Variants in CLDN10 observed in about 807,000 individuals in gnomAD.
The protein encoded by CLDN10 is claudin 10, also known as claudin-10.
Under a neutral mutation model 22.9 loss-of-function variants are expected in CLDN10, and 15 were observed. That is an observed-to-expected ratio of 0.65 (90% CI 0.44 to 1.01). The LOEUF (loss-of-function observed/expected upper bound fraction) is 1.01. Ranked by LOEUF, CLDN10 falls within the 50% of genes least tolerant of loss-of-function variation. CLDN10 has a pLI of 0.00. For synonymous variants in CLDN10, 114 were observed against 111.4 expected (o/e 1.02, Z -0.15); for missense variants, 247 against 287.8 (o/e 0.86, Z 1.03).
chr13:95,563,317 T>G (rs1039550553), intron 3 of CLDN10, among the ~76,000 whole-genome samples: 1 of 152,132 alleles, frequency 6.6e-6, no homozygotes, highest in Non-Finnish European at 1.5e-5. Context: ...GCTTTTTAAT[T>G]CTGTATAGTA....
At chr13:95,441,225 C>T (rs1212396936) in intron 1 of CLDN10, among the ~76,000 whole-genome samples, 2 of 152,188 alleles carry the variant, frequency 1.3e-5, no homozygotes, top group East Asian at 3.8e-4. Context: ...GTGTTTAGAA[C>T]AAGTAAAAGA....
At chr13:95,455,401 G>GT (rs903344371) in intron 1 of CLDN10, among the ~76,000 whole-genome samples, 42 of 152,238 alleles carry the variant, frequency 2.8e-4, no homozygotes, top group African/African-American at 1.0e-3. Context: ...TCTTTGTGAA[G>GT]TTTTTGATTG....
In CLDN10 at chr13:95,512,121, C is replaced by T. The variant is rs1367065695; in HGVS notation, c.215-48011C>T. ...TCATCTCAGACAAAGATCGTCTCTC[C>T]TTTTTTTTTGGTTTTTGTTTGTTTG... On this transcript the variant is annotated intron_variant, in intron 1 of 4. Coordinates refer to the CLDN10 transcript ENST00000376873. Among the ~76,000 whole-genome samples, 5 of 10,492 alleles carry T rather than the reference C, an allele frequency of 4.8e-4. 1 individual carries two copies. The highest frequency in any genetic ancestry group is 8.0e-4 in the African/African-American group (4 of 4,994). 6.9% of individuals were successfully genotyped at this position (10,492 alleles called of 152,430 possible).
intron 1 of CLDN10, among the ~76,000 whole-genome samples, chr13:95,473,850 G>A (rs959013312): frequency 2.6e-5 from 4 of 152,288 alleles, no homozygotes; most frequent in East Asian, 1.9e-4. Flanking sequence ...GTTAAGCTTC[G>A]GAGGGAACAA....
intron 1 of CLDN10, among the ~76,000 whole-genome samples, chr13:95,505,112 T>G (rs1470063612): frequency 1.3e-5 from 2 of 152,338 alleles, no homozygotes; most frequent in African/African-American, 4.8e-5. Flanking sequence ...CAAAGGCAAA[T>G]ACATCTTTCT....
intron 1 of CLDN10, among the ~76,000 whole-genome samples, chr13:95,448,995 TC>T (rs1193128715): frequency 6.6e-6 from 1 of 151,962 alleles, no homozygotes; most frequent in Non-Finnish European, 1.5e-5. Flanking sequence ...TCCCTCGGCT[TC>T]CCAAAGTGCT....
intron 1 of CLDN10, among the ~76,000 whole-genome samples, chr13:95,527,234 T>C (rs1404638817): frequency 6.6e-6 from 1 of 152,218 alleles, no homozygotes; most frequent in Non-Finnish European, 1.5e-5. Flanking sequence ...TGTTCATGAA[T>C]GCTATTTTCA....
chr13:95,558,457 A>G (rs138433085), intron 1 of CLDN10, among the ~76,000 whole-genome samples: 1 of 152,356 alleles, frequency 6.6e-6, no homozygotes, highest in Non-Finnish European at 1.5e-5. Context: ...GGTGTTAGTG[A>G]AATTGTTTTC....
chr13:95,519,119 G>A (rs906270124), intron 1 of CLDN10, among the ~76,000 whole-genome samples: 1 of 152,188 alleles, frequency 6.6e-6, no homozygotes, highest in Non-Finnish European at 1.5e-5. Context: ...GGTATTTAGT[G>A]TAGTGTCAGG....
chr13:95,460,137 C>T (rs1221770183), intron 1 of CLDN10, among the ~76,000 whole-genome samples: 1 of 152,208 alleles, frequency 6.6e-6, no homozygotes, highest in Non-Finnish European at 1.5e-5. Flanking sequence ...GAGACCACCT[C>T]AGCCTGGACT....
chr13:95,571,707 TTAGATTA>T (rs1419560219), intron 3 of CLDN10, among the ~76,000 whole-genome samples: 3 of 152,200 alleles, frequency 2.0e-5, no homozygotes, highest in African/African-American at 7.2e-5. Flanking sequence ...TATATAGATC[TTAGATTA>T]TAGATTATAT....
intron 1 of CLDN10, among the ~76,000 whole-genome samples, chr13:95,538,611 C>T (rs1431570937): frequency 1.3e-5 from 2 of 152,186 alleles, no homozygotes; most frequent in Non-Finnish European, 1.5e-5. Context: ...CTCTGAAATC[C>T]TCACGCTGCA....
intron 1 of CLDN10, among the ~76,000 whole-genome samples, chr13:95,481,967 A>G (rs1357194374): frequency 6.6e-6 from 1 of 152,106 alleles, no homozygotes; most frequent in Non-Finnish European, 1.5e-5. Context: ...TGCAATGAGC[A>G]AAGATCGCAC....
intron 3 of CLDN10, among the ~76,000 whole-genome samples, chr13:95,576,032 C>A (rs548338500): frequency 8.5e-5 from 13 of 152,306 alleles, no homozygotes; most frequent in East Asian, 1.9e-4. Flanking sequence ...ACCCTGCCTG[C>A]GACTCAGACC....
intron 1 of CLDN10, among the ~76,000 whole-genome samples, chr13:95,508,258 A>G (rs76219038): frequency 0.042 from 6,354 of 152,162 alleles, 218 homozygotes; most frequent in Middle Eastern, 0.095. Flanking sequence ...GTCACCATTA[A>G]CATTCTTGTG....
At chr13:95,539,250 G>A (rs2043435220) in intron 1 of CLDN10, among the ~76,000 whole-genome samples, 1 of 152,194 alleles carries the variant, frequency 6.6e-6, no homozygotes. Flanking sequence ...TTTGAGGATA[G>A]CAATGTAAAA....
intron 1 of CLDN10, among the ~76,000 whole-genome samples, chr13:95,474,376 G>A (rs2389310): frequency 0.2 from 30,401 of 152,164 alleles, 3,765 homozygotes; most frequent in Non-Finnish European, 0.29. Context: ...TGCAGATACA[G>A]ATGAAGCTTC....
chr13:95,513,691 A>AT (rs1159833327), intron 1 of CLDN10, among the ~76,000 whole-genome samples: 1 of 142,088 alleles, frequency 7.0e-6, no homozygotes. Context: ...ATTCATTCAT[A>AT]GATACATATT....
At chr13:95,520,077 C>T (rs181750806) in intron 1 of CLDN10, among the ~76,000 whole-genome samples, 10 of 152,248 alleles carry the variant, frequency 6.6e-5, no homozygotes, top group African/African-American at 4.8e-5. Flanking sequence ...GATGAACATG[C>T]GTATGCCTGT....
Sources: gnomAD v4.1 joint callset for allele counts (sites outside exome capture counted in the v4.1 genomes callset) on GRCh38, gnomAD v4.1.1 for gene constraint, MANE v1.5 for transcripts, NCBI Gene and HGNC (gene_info 2026-07-23, HGNC 2026-07-21) for gene names.